Variants in PTBP3 observed in about 807,000 individuals in gnomAD.
PTBP3 encodes the protein polypyrimidine tract-binding protein 3.
In PTBP3, 20 loss-of-function variants were observed where a neutral mutation model predicts 58.7. That is an observed-to-expected ratio of 0.34 (90% CI 0.24 to 0.50). The LOEUF (loss-of-function observed/expected upper bound fraction) is 0.50. Ranked by LOEUF, PTBP3 falls within the 20% of genes least tolerant of loss-of-function variation. The pLI, the probability that PTBP3 is intolerant of heterozygous loss-of-function variation, is 0.98. For synonymous variants in PTBP3, 185 were observed against 219.8 expected, an observed-to-expected ratio of 0.84 and a Z score of 1.40; for missense variants, 509 against 637.2, an observed-to-expected ratio of 0.80 and a Z score of 2.17.
chr9:112,218,088 T>A (rs759461232), downstream of PTBP3: 1 of 152,212 alleles, frequency 6.6e-6, no homozygotes, highest in Non-Finnish European at 1.5e-5. Context: ...AGTTTGGCAC[T>A]GCACATATGG....
intron 1 of PTBP3, among the ~76,000 whole-genome samples, chr9:112,324,119 A>G (rs1044338800): frequency 9.2e-5 from 14 of 152,118 alleles, no homozygotes; most frequent in Non-Finnish European, 1.3e-4. Context: ...GAAATATTTA[A>G]AGAGTTTTTT....
chr9:112,298,034 G>A lies in PTBP3; in HGVS notation c.-51-118C>T, dbSNP rs1306871998. 4 of 763,108 alleles carry A rather than the reference G, an allele frequency of 5.2e-6. No individual in the cohort carries two copies. In the African/African-American group the frequency reaches 7.2e-5, roughly 14 times the overall value. 47.3% of individuals were successfully genotyped at this position (763,108 alleles called of 1,614,324 possible). A position where few individuals can be genotyped will look rare whatever the true frequency, so the allele number is the denominator to read the frequency against. The stretch of plus-strand genomic sequence containing the variant: ...ATCTTTGTATGAAGACATTAAAGGG[G>A]GAACTCCTCAAGAATCACAAAATCA... On this transcript the variant is annotated intron_variant, in intron 1 of 13. Transcript: ENST00000374257.
At chr9:112,307,444 C>A (rs1278529207) in intron 1 of PTBP3, among the ~76,000 whole-genome samples, 2 of 151,848 alleles carry the variant, frequency 1.3e-5, no homozygotes, top group East Asian at 3.9e-4. Flanking sequence ...AAAGGGAGAC[C>A]CTGTCCCAAA....
chr9:112,232,007 AAGAGAAGAG>A, intron 9 of PTBP3, 83 bp downstream of exon 9: 30 of 720,760 alleles, frequency 4.2e-5, no homozygotes, highest in South Asian at 7.2e-5. Flanking sequence ...AAGAGAAGAG[AAGAGAAGAG>A]AAGAAAAGAA....
intron 4 of PTBP3, 112 bp downstream of exon 4, chr9:112,267,937 T>TAA: frequency 1.0e-6 from 1 of 998,348 alleles, no homozygotes; most frequent in Non-Finnish European, 1.4e-6. Context: ...TTATGACTAG[T>TAA]AAAGTATCCT....
the PTBP3 span, among the ~76,000 whole-genome samples, chr9:112,370,066 G>A: frequency 6.2e-3 from 938 of 152,250 alleles, 7 homozygotes; most frequent in African/African-American, 0.021. Flanking sequence ...GGAACTGTGA[G>A]CTTATTAAAC....
chr9:112,253,120 C>T (rs1836199014), intron 5 of PTBP3, among the ~76,000 whole-genome samples: 1 of 152,134 alleles, frequency 6.6e-6, no homozygotes, highest in Admixed American at 6.6e-5. Context: ...AACTATTTCA[C>T]CCTGTGAAGA....
At chr9:112,347,543 G>A in the PTBP3 span, among the ~76,000 whole-genome samples, 1 of 151,938 alleles carries the variant, frequency 6.6e-6, no homozygotes. Context: ...GGGTTCTGCC[G>A]TGTTGCCAAG....
chr9:112,376,252 GTTTTTTTTT>G, the PTBP3 span, among the ~76,000 whole-genome samples: 1 of 75,008 alleles, frequency 1.3e-5, no homozygotes, highest in African/African-American at 5.8e-5. Flanking sequence ...AGTTTATTAA[GTTTTTTTTT>G]TTTTTTTTTT....
chr9:112,238,200 A>G (rs1057232102), intron 7 of PTBP3, among the ~76,000 whole-genome samples: 1 of 152,230 alleles, frequency 6.6e-6, no homozygotes, highest in African/African-American at 2.4e-5. Flanking sequence ...GAAGATTTAA[A>G]TAGTATGTTT....
upstream of PTBP3, among the ~76,000 whole-genome samples, chr9:112,334,277 C>A (rs754734363): frequency 1.3e-4 from 20 of 152,108 alleles, no homozygotes; most frequent in Non-Finnish European, 2.6e-4. Flanking sequence ...TTCGACCTAA[C>A]CGTCTAGTAT....
At chr9:112,258,367 A>T (rs1442785972) in intron 5 of PTBP3, among the ~76,000 whole-genome samples, 1 of 152,154 alleles carries the variant, frequency 6.6e-6, no homozygotes, top group Non-Finnish European at 1.5e-5. Flanking sequence ...ATCCAGTCCA[A>T]TGGCTTTAAT....
chr9:112,323,150 G>A (rs1307095556), intron 1 of PTBP3, among the ~76,000 whole-genome samples: 1 of 152,192 alleles, frequency 6.6e-6, no homozygotes, highest in Non-Finnish European at 1.5e-5. Context: ...TACTGAGGAG[G>A]CTCAGGCAGG....
chr9:112,228,563 A>ATACTATATC, intron 10 of PTBP3, 91 bp from the exon 11 acceptor site: 1 of 806,616 alleles, frequency 1.2e-6, no homozygotes, highest in Non-Finnish European at 1.9e-6. Flanking sequence ...GGCATTTCTT[A>ATACTATATC]CTCTCCCTTG....
chr9:112,361,387 T>C, the PTBP3 span, among the ~76,000 whole-genome samples: 1 of 152,126 alleles, frequency 6.6e-6, no homozygotes, highest in East Asian at 1.9e-4. Flanking sequence ...GTGTAAGCCA[T>C]GGCACCCAGC....
the PTBP3 span, among the ~76,000 whole-genome samples, chr9:112,364,552 G>T: frequency 6.6e-6 from 1 of 152,104 alleles, no homozygotes; most frequent in Non-Finnish European, 1.5e-5. Context: ...AGGATAGCTT[G>T]AGCCTAGGCG....
At chr9:112,330,507 A>G in intron 1 of PTBP3, 1 of 1,454,902 alleles carries the variant, frequency 6.9e-7, no homozygotes. Context: ...GAAAATGGAA[A>G]ACAAAGTTAG....
At position 112,223,428 on chromosome 9, in the gene PTBP3, T is replaced by C. The variant is rs958906394; in HGVS notation, c.*423A>G. On this transcript the variant is annotated 3_prime_UTR_variant, in exon 14 of 14. Coordinates refer to ENST00000374257, the MANE Select transcript of PTBP3 (RefSeq NM_001163788.4). ...ATAAGGTTAATAACTTGGTCATAAG[T>C]GATTTAAATTACTTACATCAAGTAA... 36 of 920,202 alleles carry C rather than the reference T, an allele frequency of 3.9e-5. No homozygotes were observed. Among genetic ancestry groups the C allele is most frequent in the Non-Finnish European group, 4.4e-5 (34 of 768,194 alleles). The allele number at this position is 920,202 out of a possible 1,614,324, so 57.0% of individuals were successfully genotyped here.
At chr9:112,369,993 G>GT in the PTBP3 span, among the ~76,000 whole-genome samples, 10 of 152,178 alleles carry the variant, frequency 6.6e-5, no homozygotes, top group African/African-American at 2.4e-4. Flanking sequence ...CTGCCACCAT[G>GT]TAAGACATGC....
Sources: gnomAD v4.1 joint callset for allele counts (sites outside exome capture counted in the v4.1 genomes callset) on GRCh38, gnomAD v4.1.1 for gene constraint, MANE v1.5 for transcripts, NCBI Gene and HGNC (gene_info 2026-07-23, HGNC 2026-07-21) for gene names.